Variants in ANKMY2 observed in about 807,000 individuals in gnomAD.
ANKMY2 encodes the protein ankyrin repeat and MYND domain containing 2.
In ANKMY2, 36 loss-of-function variants were observed where a neutral mutation model predicts 50.4. The ratio of observed to expected loss-of-function variants is 0.71; its 90% CI spans 0.55 to 0.94. The LOEUF (loss-of-function observed/expected upper bound fraction) is 0.94. ANKMY2 is among the 40% of genes least tolerant of loss of function. The pLI is 0.00. For synonymous variants in ANKMY2, 187 were observed against 178.8 expected (o/e 1.05, Z -0.36); for missense variants, 565 against 524.0 (o/e 1.08, Z -0.76).
At chr7:16,632,067 C>G (rs1323353206) in intron 2 of ANKMY2, among the ~76,000 whole-genome samples, 1 of 151,068 alleles carries the variant, frequency 6.6e-6, no homozygotes, top group Non-Finnish European at 1.5e-5. Flanking sequence ...CTCCCTCCTT[C>G]TCTTTCTCCT....
At chr7:16,629,326 A>C (rs1288796376) in intron 2 of ANKMY2, among the ~76,000 whole-genome samples, 1 of 152,212 alleles carries the variant, frequency 6.6e-6, no homozygotes, top group Non-Finnish European at 1.5e-5. Context: ...ACTTGAGGTC[A>C]GGAGTTCAAG....
intron 2 of ANKMY2, among the ~76,000 whole-genome samples, chr7:16,634,893 T>G (rs1427614347): frequency 1.3e-5 from 2 of 152,098 alleles, no homozygotes. Context: ...TCAGGAGTAT[T>G]TATCAAAATA....
At position 16,616,572 on chromosome 7, in the gene ANKMY2, G is replaced by T. The variant is rs55738641; in HGVS notation, c.371-668C>A. ...TGGTTTGCAAGTGTGCTCCTGCGGCGCCCCCCCCTCCCTAGCTCCCTCTCC... is the reference window on the plus strand; with the variant it reads ...TGGTTTGCAAGTGTGCTCCTGCGGCTCCCCCCCCTCCCTAGCTCCCTCTCC... On this transcript the variant is annotated intron_variant, in intron 4 of 9. Transcript: ENST00000306999. Among the ~76,000 whole-genome samples, 145 of 48,296 alleles carry T rather than the reference G, an allele frequency of 3.0e-3. 1 individual carries two copies. Among genetic ancestry groups the T allele is most frequent in the East Asian group, 0.021 (46 of 2,158 alleles). The allele number at this position is 48,296 out of a possible 152,430, so 31.7% of individuals were successfully genotyped here.
At chr7:16,641,454 T>G (rs149522211) in intron 1 of ANKMY2, among the ~76,000 whole-genome samples, 47 of 152,354 alleles carry the variant, frequency 3.1e-4, no homozygotes, top group Middle Eastern at 6.8e-3. Context: ...GAAGCCCATA[T>G]AGGTTGCATA....
At chr7:16,645,485 C>T in intron 1 of ANKMY2, 22 bp downstream of exon 1, 1 of 1,592,334 alleles carries the variant, frequency 6.3e-7, no homozygotes, top group Non-Finnish European at 8.5e-7. Context: ...GCCGCGGCCG[C>T]GTCGCAGCCC....
At chr7:16,601,905 A>G (rs572203499) in intron 9 of ANKMY2, among the ~76,000 whole-genome samples, 1 of 152,338 alleles carries the variant, frequency 6.6e-6, no homozygotes, top group African/African-American at 2.4e-5. Flanking sequence ...TTTGATCTGT[A>G]TATTAGATCT....
At chr7:16,622,963 A>G (rs1175170377) in intron 4 of ANKMY2, among the ~76,000 whole-genome samples, 1 of 152,198 alleles carries the variant, frequency 6.6e-6, no homozygotes, top group Non-Finnish European at 1.5e-5. Context: ...AAATCTGTCA[A>G]TAAGGGAGAG....
At chr7:16,635,446 G>T (rs1168292436) in intron 2 of ANKMY2, among the ~76,000 whole-genome samples, 1 of 152,042 alleles carries the variant, frequency 6.6e-6, no homozygotes, top group Non-Finnish European at 1.5e-5. Context: ...TGGTTTTACA[G>T]GTATATACAT....
chr7:16,628,236 G>A (rs1239323511), intron 2 of ANKMY2, among the ~76,000 whole-genome samples: 1 of 152,160 alleles, frequency 6.6e-6, no homozygotes, highest in African/African-American at 2.4e-5. Context: ...CCTTAGTGAA[G>A]CTTAGAATGC....
intron 8 of ANKMY2, chr7:16,603,644 T>C (rs755781426): frequency 6.4e-6 from 3 of 471,058 alleles, no homozygotes; most frequent in Admixed American, 4.7e-5. Context: ...TCTCACATGA[T>C]TTCAAAGTTC....
chr7:16,645,297 C>T (rs960746239), intron 1 of ANKMY2, among the ~76,000 whole-genome samples: 1 of 152,180 alleles, frequency 6.6e-6, no homozygotes, highest in African/African-American at 2.4e-5. Flanking sequence ...TCTGTAACTA[C>T]CCCTCTTGTC....
chr7:16,614,746 T>C (rs570069222), intron 5 of ANKMY2, among the ~76,000 whole-genome samples: 3 of 152,218 alleles, frequency 2.0e-5, no homozygotes, highest in Non-Finnish European at 2.9e-5. Flanking sequence ...TTTTACTACA[T>C]GATAGTAACG....
chr7:16,611,541 A>T (rs1477059442), intron 5 of ANKMY2, among the ~76,000 whole-genome samples: 1 of 152,214 alleles, frequency 6.6e-6, no homozygotes, highest in Non-Finnish European at 1.5e-5. Flanking sequence ...CCATGGTGGC[A>T]TAACAGTAAT....
At chr7:16,629,271 C>T (rs908746897) in intron 2 of ANKMY2, among the ~76,000 whole-genome samples, 4 of 152,204 alleles carry the variant, frequency 2.6e-5, no homozygotes, top group Non-Finnish European at 5.9e-5. Context: ...CACAGTGGCT[C>T]ACGCCTGTAA....
In ANKMY2 at chr7:16,620,591, T is replaced by TACACACACACACACAC. The variant is rs58418780; in HGVS notation, c.370+4376_370+4391dup. 2.6e-3 allele frequency among the ~76,000 whole-genome samples: 373 copies of TACACACACACACACAC among 145,594 alleles called. 2 individuals carry two copies. The highest frequency in any genetic ancestry group is 9.3e-3 in the African/African-American group (360 of 38,874). On this transcript the variant is annotated intron_variant, in intron 4 of 9. Transcript: ENST00000306999. ...CAATCACTTTAGGGAAATACATGTG[T>TACACACACACACACAC]ACACACACACACACACACACACACA...
At position 16,600,085 on chromosome 7, in the gene ANKMY2, T is replaced by C. The variant is rs1783483019; in HGVS notation, c.*676A>G. 6.6e-6 allele frequency: 1 copy of C among 152,208 alleles called. No individual in the cohort carries two copies. Among genetic ancestry groups the C allele is most frequent in the Non-Finnish European group, 1.5e-5 (1 of 68,042 alleles). 9.4% of individuals were successfully genotyped at this position (152,208 alleles called of 1,614,324 possible). On this transcript the variant is annotated 3_prime_UTR_variant, in exon 10 of 10. Transcript: ENST00000306999. ...TTCAGGAAGTACCTTTTTTAATGCATACGCTGAGAGAACCGTCAATATGCC... is the reference window on the plus strand; with the variant it reads ...TTCAGGAAGTACCTTTTTTAATGCACACGCTGAGAGAACCGTCAATATGCC...
chr7:16,614,646 A>C (rs1451687854), intron 5 of ANKMY2, among the ~76,000 whole-genome samples: 1 of 152,104 alleles, frequency 6.6e-6, no homozygotes, highest in Admixed American at 6.5e-5. Context: ...TCTTCAGAAG[A>C]GTCACCTTAT....
At chr7:16,624,803 A>C (rs1319982697) in intron 4 of ANKMY2, among the ~76,000 whole-genome samples, 180 bp downstream of exon 4, 1 of 152,226 alleles carries the variant, frequency 6.6e-6, no homozygotes, top group African/African-American at 2.4e-5. Flanking sequence ...TGGAAATTCG[A>C]AATAGCCATT....
At chr7:16,638,802 ACT>A (rs1335464510) in intron 1 of ANKMY2, among the ~76,000 whole-genome samples, 2 of 151,920 alleles carry the variant, frequency 1.3e-5, no homozygotes, top group African/African-American at 4.8e-5. Flanking sequence ...GGGATTAGAA[ACT>A]CTGTGTCAGG....
Sources: gnomAD v4.1 joint callset for allele counts (sites outside exome capture counted in the v4.1 genomes callset) on GRCh38, gnomAD v4.1.1 for gene constraint, MANE v1.5 for transcripts, NCBI Gene and HGNC (gene_info 2026-07-23, HGNC 2026-07-21) for gene names.